Variants in KSR1 observed in about 807,000 individuals in gnomAD.
KSR1 encodes the protein kinase suppressor of ras 1.
In KSR1, 35 loss-of-function variants were observed where a neutral mutation model predicts 92.9. That is an observed-to-expected ratio of 0.38 (90% confidence interval 0.29 to 0.50). KSR1 has a LOEUF of 0.50. Among genes scored for constraint, KSR1 ranks in the 20% least tolerant of loss-of-function variants. The pLI is 0.94. For synonymous variants in KSR1, 467 were observed against 472.6 expected (o/e 0.99, Z 0.15); for missense variants, 972 against 1,158.5 (o/e 0.84, Z 2.34).
At chr17:27,608,083 G>A in intron 15 of KSR1, 73 bp downstream of exon 15, 1 of 1,079,436 alleles carries the variant, frequency 9.3e-7, no homozygotes, top group Non-Finnish European at 1.4e-6. Flanking sequence ...CTCTCGCCCT[G>A]TTACTCCCTG....
intron 10 of KSR1, 21 bp from the exon 11 acceptor site, chr17:27,601,339 C>T (rs2073550684): frequency 6.2e-7 from 1 of 1,610,410 alleles, no homozygotes. Context: ...GTGTGTGACT[C>T]ACCTCCTCTT....
intron 6 of KSR1, among the ~76,000 whole-genome samples, chr17:27,589,555 G>GC (rs1478010347): frequency 1.3e-5 from 2 of 152,190 alleles, no homozygotes; most frequent in African/African-American, 4.8e-5. Flanking sequence ...AGAATCAAAT[G>GC]AGCTAGTGTT....
chr17:27,503,698 G>C (rs2069272827), intron 1 of KSR1, among the ~76,000 whole-genome samples: 1 of 152,166 alleles, frequency 6.6e-6, no homozygotes, highest in African/African-American at 2.4e-5. Context: ...GTTTTGACCA[G>C]TGAACTATGA....
chr17:27,604,830 TG>T, intron 13 of KSR1, 102 bp downstream of exon 13: 2 of 1,173,966 alleles, frequency 1.7e-6, no homozygotes, highest in Non-Finnish European at 2.6e-6. Context: ...TTCTGGACTT[TG>T]GCAAGGGCTG....
Position 27,509,260 on chromosome 17 carries a change from T to C in KSR1, c.232-41308T>C, listed in dbSNP as rs572344863. On this transcript the variant is annotated intron_variant, in intron 1 of 20. Coordinates refer to ENST00000644974, the MANE Select transcript of KSR1 (RefSeq NM_001394583.1). The stretch of plus-strand genomic sequence containing the variant: ...GTGCAGTGGCTCATGCCTGTAATCC[T>C]AGCACTTTGGGAGGCTGAGTCAGGA... Among the ~76,000 whole-genome samples, 3 of 152,150 alleles carry C rather than the reference T, an allele frequency of 2.0e-5. No individual in the cohort carries two copies. In the South Asian group the frequency reaches 6.2e-4, roughly 32 times the overall value.
chr17:27,473,149 T>C (rs1300264546), intron 1 of KSR1, among the ~76,000 whole-genome samples: 1 of 152,224 alleles, frequency 6.6e-6, no homozygotes, highest in Admixed American at 6.5e-5. Flanking sequence ...TATGAGCCCA[T>C]GTAGGTGATG....
chr17:27,536,930 A>T (rs1437990090), intron 1 of KSR1, among the ~76,000 whole-genome samples: 1 of 152,234 alleles, frequency 6.6e-6, no homozygotes, highest in Admixed American at 6.5e-5. Context: ...GAGGAGTGTC[A>T]TATACTTTGT....
chr17:27,601,047 C>T (rs999331372), intron 10 of KSR1, among the ~76,000 whole-genome samples: 1 of 152,258 alleles, frequency 6.6e-6, no homozygotes. Flanking sequence ...CACTGTTTCT[C>T]TCCCATTGTA....
intron 1 of KSR1, among the ~76,000 whole-genome samples, chr17:27,547,291 C>A (rs1362750793): frequency 6.6e-6 from 1 of 152,232 alleles, no homozygotes; most frequent in Non-Finnish European, 1.5e-5. Context: ...ATCTCTCTAG[C>A]CACAGGAGTT....
intron 1 of KSR1, among the ~76,000 whole-genome samples, chr17:27,498,017 G>A (rs1318183764): frequency 6.6e-6 from 1 of 152,194 alleles, no homozygotes; most frequent in African/African-American, 2.4e-5. Context: ...TTCAGTAGCA[G>A]TAATATTTTA....
At chr17:27,494,794 T>A (rs922056124) in intron 1 of KSR1, among the ~76,000 whole-genome samples, 1 of 152,170 alleles carries the variant, frequency 6.6e-6, no homozygotes, top group Non-Finnish European at 1.5e-5. Context: ...TCTCTGAGAG[T>A]GCCATTGGGC....
Position 27,595,199 on chromosome 17 carries a change from G to A in KSR1, c.1300-2069G>A, listed in dbSNP as rs1457392488. Among the ~76,000 whole-genome samples the A allele has an allele frequency of 1.3e-5, 2 of 152,202 alleles. 1 individual carries two copies. The highest frequency in any genetic ancestry group is 4.8e-5 in the African/African-American group (2 of 41,450). ...AATAATTCCTCTCCCACCCCCAGGG[G>A]AATTGATGTTTGCATTCAGGAAGCA... On this transcript the variant is annotated intron_variant, in intron 9 of 20. Transcript: ENST00000644974.
At chr17:27,605,106 T>G (rs1222393040) in intron 13 of KSR1, among the ~76,000 whole-genome samples, 1 of 152,198 alleles carries the variant, frequency 6.6e-6, no homozygotes, top group Non-Finnish European at 1.5e-5. Context: ...TCCAGAAGGA[T>G]GGATGCAGTG....
chr17:27,613,540 C>A (rs2073978600), intron 18 of KSR1, among the ~76,000 whole-genome samples: 1 of 152,224 alleles, frequency 6.6e-6, no homozygotes, highest in Non-Finnish European at 1.5e-5. Context: ...TGGCTCCACC[C>A]TATTCCCCCA....
chr17:27,578,045 C>T, intron 3 of KSR1: 1 of 340,050 alleles, frequency 2.9e-6, no homozygotes, highest in Non-Finnish European at 5.7e-6. Flanking sequence ...CTGATGTGGG[C>T]CTGAGCCAAG....
chr17:27,467,297 T>C (rs2019741746), intron 1 of KSR1, among the ~76,000 whole-genome samples: 1 of 152,258 alleles, frequency 6.6e-6, no homozygotes, highest in African/African-American at 2.4e-5. Context: ...TTGTCTAGGC[T>C]CTGGGGGGTA....
At chr17:27,598,981 A>G (rs182464274) in intron 10 of KSR1, among the ~76,000 whole-genome samples, 1 of 152,328 alleles carries the variant, frequency 6.6e-6, no homozygotes, top group Non-Finnish European at 1.5e-5. Flanking sequence ...TAAACCTGGG[A>G]AAAGATTATA....
At chr17:27,494,640 T>A (rs1468802142) in intron 1 of KSR1, among the ~76,000 whole-genome samples, 1 of 152,192 alleles carries the variant, frequency 6.6e-6, no homozygotes, top group African/African-American at 2.4e-5. Context: ...GTCTTTCGAT[T>A]TACATTTAAA....
At chr17:27,619,498 A>T (rs1164366720) in intron 19 of KSR1, among the ~76,000 whole-genome samples, 4 of 151,106 alleles carry the variant, frequency 2.6e-5, no homozygotes, top group Non-Finnish European at 5.9e-5. Context: ...CCCGGGTTCA[A>T]GCGATTCTCC....
Sources: gnomAD v4.1 joint callset for allele counts (sites outside exome capture counted in the v4.1 genomes callset) on GRCh38, gnomAD v4.1.1 for gene constraint, MANE v1.5 for transcripts, NCBI Gene and HGNC (gene_info 2026-07-23, HGNC 2026-07-21) for gene names.